The following CRPPA variants were observed in gnomAD, a reference collection of about 807,000 sequenced individuals.
The protein encoded by CRPPA is D-ribitol-5-phosphate cytidylyltransferase.
CRPPA carries 43 observed loss-of-function variants against 52.0 expected under a neutral mutation model. The ratio of observed to expected loss-of-function variants is 0.83; its 90% CI spans 0.65 to 1.07. The LOEUF (loss-of-function observed/expected upper bound fraction) is 1.07, where lower values mean the gene tolerates loss of function less well. Among genes scored for constraint, CRPPA ranks in the 50% least tolerant of loss-of-function variants. CRPPA has a pLI of 0.00. For synonymous variants in CRPPA, 250 were observed against 203.5 expected (o/e 1.23, Z -1.94); for missense variants, 629 against 551.7 (o/e 1.14, Z -1.40).
chr7:16,093,205 C>G (rs1013585657), intron 9 of CRPPA, among the ~76,000 whole-genome samples: 3 of 152,116 alleles, frequency 2.0e-5, no homozygotes, highest in Non-Finnish European at 4.4e-5. Context: ...ACACTTTGCT[C>G]AATGCCTAAC....
intron 9 of CRPPA, among the ~76,000 whole-genome samples, chr7:16,144,766 T>TTCTCAGCAGCTGCACTC (rs748547214): frequency 7.9e-5 from 12 of 152,164 alleles, no homozygotes; most frequent in Non-Finnish European, 1.6e-4. Context: ...GGGGGCTGCA[T>TTCTCAGCAGCTGCACTC]TCTCAGCAGC....
chr7:16,158,059 G>A (rs995817745), intron 9 of CRPPA, among the ~76,000 whole-genome samples: 1 of 112,018 alleles, frequency 8.9e-6, no homozygotes, highest in Non-Finnish European at 1.9e-5. Context: ...TTTTTTTTTT[G>A]TATTTTAGTA....
intron 8 of CRPPA, among the ~76,000 whole-genome samples, chr7:16,221,637 A>T (rs1209767118): frequency 6.6e-6 from 1 of 152,086 alleles, no homozygotes; most frequent in African/African-American, 2.4e-5. Context: ...TGGGCGAAGG[A>T]CATGAACAGA....
At chr7:16,303,491 A>AAAACAAAAAC (rs1554317854) in intron 4 of CRPPA, among the ~76,000 whole-genome samples, 3 of 124,936 alleles carry the variant, frequency 2.4e-5, no homozygotes, top group Non-Finnish European at 3.5e-5. Flanking sequence ...AAAAAAAAAA[A>AAAACAAAAAC]AAAAAAAAAA....
chr7:16,326,726 C>T (rs907653508), intron 3 of CRPPA, among the ~76,000 whole-genome samples: 1 of 152,080 alleles, frequency 6.6e-6, no homozygotes. Context: ...CTCTTTTTCG[C>T]CAATAACTAT....
intron 8 of CRPPA, among the ~76,000 whole-genome samples, chr7:16,224,850 C>T (rs943414201): frequency 2.6e-5 from 4 of 152,086 alleles, no homozygotes; most frequent in South Asian, 2.1e-4. Flanking sequence ...TAATAAGCTA[C>T]GCTTAAAATA....
At chr7:16,286,367 C>A (rs1784448707) in intron 5 of CRPPA, among the ~76,000 whole-genome samples, 1 of 151,750 alleles carries the variant, frequency 6.6e-6, no homozygotes. Context: ...GACTTACCAG[C>A]CTCCATAAGT....
chr7:16,288,395 A>G (rs1784492402), intron 5 of CRPPA, among the ~76,000 whole-genome samples: 2 of 152,092 alleles, frequency 1.3e-5, no homozygotes, highest in Non-Finnish European at 2.9e-5. Flanking sequence ...AAAAAAAAAT[A>G]AAACAAGCCT....
chr7:16,310,331 C>T (rs77405708), intron 3 of CRPPA, among the ~76,000 whole-genome samples: 1 of 152,026 alleles, frequency 6.6e-6, no homozygotes, highest in Non-Finnish European at 1.5e-5. Flanking sequence ...AAAGCAAGGT[C>T]CAGCCCAGTT....
intron 3 of CRPPA, among the ~76,000 whole-genome samples, chr7:16,372,565 A>G (rs1171304076): frequency 1.3e-5 from 2 of 152,216 alleles, no homozygotes; most frequent in Non-Finnish European, 2.9e-5. Context: ...TCTTGAAACA[A>G]AAGCTTGATA....
At position 16,421,333 on chromosome 7, in the gene CRPPA, G is replaced by T. The variant is rs1353095350; in HGVS notation, c.-11C>A. 3 of 1,243,038 alleles carry T rather than the reference G, an allele frequency of 2.4e-6. No homozygotes were observed. Among genetic ancestry groups the T allele is most frequent in the African/African-American group, 1.6e-5 (1 of 64,084 alleles). 77.0% of individuals were successfully genotyped at this position (1,243,038 alleles called of 1,614,324 possible). A position where few individuals can be genotyped will look rare whatever the true frequency, so the allele number is the denominator to read the frequency against. On this transcript the variant is annotated 5_prime_UTR_variant, in exon 1 of 10. Transcript: ENST00000407010. ...CGGCCCGGCCTCCATGGCTGCGGGC[G>T]GAACGGCGAGCCCCGCTAGCCTCGG...
At chr7:16,192,104 G>A (rs1198191290) in intron 9 of CRPPA, among the ~76,000 whole-genome samples, 1 of 152,048 alleles carries the variant, frequency 6.6e-6, no homozygotes, top group Non-Finnish European at 1.5e-5. Context: ...CAAAAAACAA[G>A]TGGATTTCTC....
chr7:16,363,662 AAC>A (rs1466337915), intron 3 of CRPPA, among the ~76,000 whole-genome samples: 2 of 152,210 alleles, frequency 1.3e-5, no homozygotes, highest in Non-Finnish European at 2.9e-5. Flanking sequence ...TAAGAAATGA[AAC>A]AGTCTCTTTA....
At chr7:16,229,107 TTTG>T (rs1439487644) in intron 8 of CRPPA, among the ~76,000 whole-genome samples, 3 of 152,072 alleles carry the variant, frequency 2.0e-5, no homozygotes, top group African/African-American at 7.2e-5. Flanking sequence ...CTCCTACTTT[TTTG>T]TTGTTGTTTC....
intron 5 of CRPPA, among the ~76,000 whole-genome samples, chr7:16,299,470 G>C (rs562982258): frequency 6.6e-6 from 1 of 152,252 alleles, no homozygotes; most frequent in East Asian, 1.9e-4. Context: ...TGTATATTCT[G>C]ACTGAATGAG....
intron 9 of CRPPA, among the ~76,000 whole-genome samples, chr7:16,177,496 G>T (rs1285211654): frequency 6.6e-6 from 1 of 151,958 alleles, no homozygotes; most frequent in African/African-American, 2.4e-5. Context: ...ATTCACCTGG[G>T]GGGTCATCTC....
At chr7:16,102,810 T>A (rs1182338391) in intron 9 of CRPPA, among the ~76,000 whole-genome samples, 2 of 152,138 alleles carry the variant, frequency 1.3e-5, no homozygotes, top group Admixed American at 6.5e-5. Flanking sequence ...AAACAACAGA[T>A]GCTGGAGAGG....
intron 9 of CRPPA, among the ~76,000 whole-genome samples, chr7:16,164,263 T>A (rs993952898): frequency 2.0e-4 from 30 of 152,230 alleles, no homozygotes; most frequent in Middle Eastern, 3.2e-3. Flanking sequence ...TAAGTTGATC[T>A]TCAGTCTCTG....
intron 9 of CRPPA, among the ~76,000 whole-genome samples, chr7:16,205,223 A>G (rs538650223): frequency 6.6e-6 from 1 of 152,274 alleles, no homozygotes; most frequent in African/African-American, 2.4e-5. Flanking sequence ...CTAAATAACA[A>G]AAGGCATGCA....
Sources: gnomAD v4.1 joint callset for allele counts (sites outside exome capture counted in the v4.1 genomes callset) on GRCh38, gnomAD v4.1.1 for gene constraint, MANE v1.5 for transcripts, NCBI Gene and HGNC (gene_info 2026-07-23, HGNC 2026-07-21) for gene names.